The following LSAMP variants were observed in gnomAD, a reference collection of about 807,000 sequenced individuals.
The protein encoded by LSAMP is limbic system associated membrane protein.
A neutral mutation model predicts 38.6 loss-of-function variants in LSAMP; 7 were observed. The observed-to-expected ratio is 0.18, with a 90% CI of 0.10 to 0.34. LSAMP has a LOEUF of 0.34. LSAMP is among the 10% of genes least tolerant of loss of function. The pLI, the probability that LSAMP is intolerant of heterozygous loss-of-function variation, is 1.00. For synonymous variants in LSAMP, 154 were observed against 166.8 expected, an observed-to-expected ratio of 0.92 and a Z score of 0.59; for missense variants, 313 against 420.0, an observed-to-expected ratio of 0.75 and a Z score of 2.23.
At chr3:116,183,625 A>T (rs192893982) in intron 1 of LSAMP, among the ~76,000 whole-genome samples, 2 of 151,908 alleles carry the variant, frequency 1.3e-5, no homozygotes, top group Non-Finnish European at 3.0e-5. Context: ...ACCTAATAAG[A>T]TAGAGTTTCT....
intron 1 of LSAMP, among the ~76,000 whole-genome samples, chr3:116,130,497 T>G (rs1002622622): frequency 1.3e-5 from 2 of 152,180 alleles, no homozygotes; most frequent in Non-Finnish European, 2.9e-5. Context: ...AACAACAACA[T>G]GGATTACAAA....
At chr3:115,882,635 C>A (rs1187790370) in intron 3 of LSAMP, among the ~76,000 whole-genome samples, 1 of 152,058 alleles carries the variant, frequency 6.6e-6, no homozygotes, top group Non-Finnish European at 1.5e-5. Flanking sequence ...TTTCCATAAA[C>A]TGAATTATTA....
chr3:116,177,557 A>G (rs1710378850), intron 1 of LSAMP, among the ~76,000 whole-genome samples: 1 of 152,206 alleles, frequency 6.6e-6, no homozygotes, highest in South Asian at 2.1e-4. Context: ...TGAATAAACC[A>G]AAAGAGTGAA....
intron 1 of LSAMP, among the ~76,000 whole-genome samples, chr3:116,325,235 G>A (rs374001487): frequency 6.6e-6 from 1 of 151,876 alleles, no homozygotes; most frequent in South Asian, 2.1e-4. Flanking sequence ...CAAACTCCTG[G>A]CCTCAAGCAA....
chr3:115,942,571 T>C (rs2107561908), intron 3 of LSAMP, among the ~76,000 whole-genome samples: 1 of 152,308 alleles, frequency 6.6e-6, no homozygotes, highest in South Asian at 2.1e-4. Context: ...TATAGTTTCA[T>C]TCACATATTT....
At chr3:115,962,632 T>C (rs1938666372) in intron 3 of LSAMP, among the ~76,000 whole-genome samples, 1 of 152,202 alleles carries the variant, frequency 6.6e-6, no homozygotes, top group Non-Finnish European at 1.5e-5. Flanking sequence ...AAGTGGTAAA[T>C]TGCTACATAT....
chr3:116,216,202 C>T (rs2046216733), intron 1 of LSAMP, among the ~76,000 whole-genome samples: 1 of 152,104 alleles, frequency 6.6e-6, no homozygotes, highest in Admixed American at 6.6e-5. Context: ...GTCATGTCTT[C>T]TTTTAACCTT....
chr3:116,137,201 T>C (rs1212329573), intron 1 of LSAMP, among the ~76,000 whole-genome samples: 2 of 152,014 alleles, frequency 1.3e-5, no homozygotes, highest in Non-Finnish European at 2.9e-5. Context: ...TGTCATTGGG[T>C]CTGGATTAGG....
chr3:116,125,329 C>T (rs374057198), intron 1 of LSAMP, among the ~76,000 whole-genome samples: 8 of 151,980 alleles, frequency 5.3e-5, no homozygotes, highest in African/African-American at 1.9e-4. Flanking sequence ...CTACTTCTTT[C>T]CCTTGCATAG....
In LSAMP at chr3:116,445,405, C is replaced by A; in HGVS notation, c.-374G>T. The stretch of plus-strand genomic sequence containing the variant: ...TGAGCTGAGCTCCTTCGCTCTGTAA[C>A]CCACTTTCCCAGGCTGGCGGGCGGG... On this transcript the variant is annotated 5_prime_UTR_variant, in exon 1 of 7. Coordinates refer to ENST00000490035, the MANE Select transcript of LSAMP (RefSeq NM_002338.5). 2.2e-6 allele frequency: 1 copy of A among 453,872 alleles called. No individual in the cohort carries two copies. The highest frequency in any genetic ancestry group is 3.8e-6 in the Non-Finnish European group (1 of 259,946). 28.1% of individuals were successfully genotyped at this position (453,872 alleles called of 1,614,324 possible). A position where few individuals can be genotyped will look rare whatever the true frequency, so the allele number is the denominator to read the frequency against.
intron 1 of LSAMP, among the ~76,000 whole-genome samples, chr3:116,087,401 G>A (rs1379927386): frequency 6.6e-6 from 1 of 152,166 alleles, no homozygotes; most frequent in Non-Finnish European, 1.5e-5. Context: ...TAGTGAAGGA[G>A]GGGTAAATAC....
chr3:115,882,728 A>C lies in LSAMP; in HGVS notation c.515-30111T>G, dbSNP rs147412123. ...AAAGGACTACTTTACTGGATAATGC[A>C]TTGATACCAAAGGAATTTTCTGGCA... On this transcript the variant is annotated intron_variant, in intron 3 of 6. Coordinates refer to ENST00000490035, the MANE Select transcript of LSAMP (RefSeq NM_002338.5). 1.1e-4 allele frequency among the ~76,000 whole-genome samples: 17 copies of C among 152,172 alleles called. No individual in the cohort carries two copies. The East Asian group carries it at 3.3e-3, about 29-fold the overall frequency.
At chr3:116,239,680 C>T (rs2046507552) in intron 1 of LSAMP, among the ~76,000 whole-genome samples, 1 of 152,098 alleles carries the variant, frequency 6.6e-6, no homozygotes, top group South Asian at 2.1e-4. Flanking sequence ...AGTGAGCTCT[C>T]TATCCCTGGA....
intron 6 of LSAMP, among the ~76,000 whole-genome samples, chr3:115,827,826 C>G (rs1253286098): frequency 6.6e-6 from 1 of 152,160 alleles, no homozygotes; most frequent in East Asian, 1.9e-4. Flanking sequence ...ACTCATTATG[C>G]CATGCTGTGT....
chr3:116,012,435 A>G (rs1940357121), intron 3 of LSAMP, among the ~76,000 whole-genome samples: 1 of 152,202 alleles, frequency 6.6e-6, no homozygotes, highest in African/African-American at 2.4e-5. Context: ...TATGGGTTCT[A>G]TATAGCTACA....
intron 1 of LSAMP, among the ~76,000 whole-genome samples, chr3:116,268,723 CTT>C (rs1689648010): frequency 6.6e-6 from 1 of 151,160 alleles, no homozygotes; most frequent in East Asian, 1.9e-4. Context: ...AAATTTTACT[CTT>C]ATAATTTTAA....
chr3:116,389,530 G>A (rs546392427), intron 1 of LSAMP, among the ~76,000 whole-genome samples: 1 of 152,036 alleles, frequency 6.6e-6, no homozygotes, highest in Non-Finnish European at 1.5e-5. Context: ...AAAACATTCT[G>A]GGTATTTCTC....
chr3:116,435,004 T>C lies in LSAMP; in HGVS notation c.155+9873A>G, dbSNP rs942435469. ...AGTTCTAAGTAGACTGAAGATGTGATCTGGTAAACTTAACCAAAGCAGGAA... is the reference window on the plus strand; with the variant it reads ...AGTTCTAAGTAGACTGAAGATGTGACCTGGTAAACTTAACCAAAGCAGGAA... On this transcript the variant is annotated intron_variant, in intron 1 of 6. Coordinates refer to ENST00000490035, the MANE Select transcript of LSAMP (RefSeq NM_002338.5). 2.6e-5 allele frequency among the ~76,000 whole-genome samples: 4 copies of C among 152,298 alleles called. No individual in the cohort carries two copies. The East Asian group carries it at 5.8e-4, about 22-fold the overall frequency.
intron 2 of LSAMP, among the ~76,000 whole-genome samples, chr3:116,022,237 CTTT>C (rs56287908): frequency 1.3e-5 from 2 of 148,646 alleles, no homozygotes; most frequent in African/African-American, 4.9e-5. Context: ...TTATTAACTT[CTTT>C]TTTTTTTTTC....
Sources: gnomAD v4.1 joint callset for allele counts (sites outside exome capture counted in the v4.1 genomes callset) on GRCh38, gnomAD v4.1.1 for gene constraint, MANE v1.5 for transcripts, NCBI Gene and HGNC (gene_info 2026-07-23, HGNC 2026-07-21) for gene names.